The following GLIS3 variants were observed in gnomAD, a reference collection of about 807,000 sequenced individuals.
GLIS3 encodes the protein zinc finger protein GLIS3.
GLIS3 carries 53 observed loss-of-function variants against 78.6 expected under a neutral mutation model. The ratio of observed to expected loss-of-function variants is 0.67; its 90% CI spans 0.54 to 0.85. The LOEUF is 0.85. GLIS3 is among the 40% of genes least tolerant of loss of function. The probability of loss-of-function intolerance (pLI) is 0.00; values close to 1 mark genes in which losing one functional copy is unlikely to be tolerated. For missense variants in GLIS3, 1,703 were observed against 1,231.1 expected (o/e 1.38, Z -5.74); for synonymous variants, 684 against 509.9 (o/e 1.34, Z -4.60).
At chr9:3,868,273 T>C (rs187873459) in intron 8 of GLIS3, among the ~76,000 whole-genome samples, 2 of 152,328 alleles carry the variant, frequency 1.3e-5, no homozygotes, top group Non-Finnish European at 2.9e-5. Context: ...ATATCCAAGT[T>C]TTCTCAGATA....
chr9:4,486,975 G>C, the GLIS3 span, among the ~76,000 whole-genome samples: 4 of 152,268 alleles, frequency 2.6e-5, no homozygotes, highest in African/African-American at 9.6e-5. Context: ...TGGGAATATA[G>C]GTGTGAGTCG....
At chr9:4,384,291 G>C in the GLIS3 span, among the ~76,000 whole-genome samples, 1 of 151,948 alleles carries the variant, frequency 6.6e-6, no homozygotes, top group Non-Finnish European at 1.5e-5. Flanking sequence ...TGGGAAAACG[G>C]AACTACTTTT....
chr9:4,247,075 T>G (rs1176111584), intron 2 of GLIS3, among the ~76,000 whole-genome samples: 1 of 152,216 alleles, frequency 6.6e-6, no homozygotes, highest in Non-Finnish European at 1.5e-5. Flanking sequence ...CATGGATGGC[T>G]TTTGTCAGCC....
intron 6 of GLIS3, among the ~76,000 whole-genome samples, chr9:3,904,050 T>G (rs1588191365): frequency 1.3e-5 from 2 of 152,266 alleles, no homozygotes; most frequent in African/African-American, 4.8e-5. Flanking sequence ...ACCATAAATA[T>G]CCACAGTCTC....
the GLIS3 span, among the ~76,000 whole-genome samples, chr9:4,478,233 G>T: frequency 6.6e-6 from 1 of 152,186 alleles, no homozygotes; most frequent in African/African-American, 2.4e-5. Context: ...TTGAGCGTGG[G>T]AAAGGATCAT....
chr9:4,256,819 A>G (rs7038088), intron 2 of GLIS3, among the ~76,000 whole-genome samples: 123,121 of 151,872 alleles, frequency 0.81, 50,425 homozygotes, highest in East Asian at 0.98. Context: ...GAGAACTACC[A>G]TACGATCCAG....
chr9:4,029,548 C>A (rs996771526), intron 4 of GLIS3, among the ~76,000 whole-genome samples: 2 of 152,100 alleles, frequency 1.3e-5, no homozygotes, highest in Non-Finnish European at 2.9e-5. Context: ...CTTATGCATT[C>A]TTTCTATTTT....
chr9:4,379,465 G>GC, the GLIS3 span, among the ~76,000 whole-genome samples: 4 of 152,234 alleles, frequency 2.6e-5, no homozygotes, highest in Admixed American at 1.3e-4. Flanking sequence ...TTGGAAGATT[G>GC]ACAACATTAG....
chr9:4,270,591 T>A (rs1826411924), intron 2 of GLIS3, among the ~76,000 whole-genome samples: 1 of 152,006 alleles, frequency 6.6e-6, no homozygotes, highest in Non-Finnish European at 1.5e-5. Flanking sequence ...TGGCCAGAGG[T>A]CACACAGGCC....
At chr9:3,871,622 C>T (rs1315687407) in intron 8 of GLIS3, among the ~76,000 whole-genome samples, 3 of 152,220 alleles carry the variant, frequency 2.0e-5, no homozygotes, top group Non-Finnish European at 4.4e-5. Flanking sequence ...ATGGCCAGAG[C>T]TTCAGGCCCC....
chr9:4,071,151 G>A (rs1827568975), intron 4 of GLIS3: 1 of 152,156 alleles, frequency 6.6e-6, no homozygotes, highest in African/African-American at 2.4e-5. Flanking sequence ...ATTTAACTAA[G>A]GAGACAATGC....
At chr9:4,217,661 G>A (rs1431521277) in intron 2 of GLIS3, among the ~76,000 whole-genome samples, 1 of 152,160 alleles carries the variant, frequency 6.6e-6, no homozygotes, top group Non-Finnish European at 1.5e-5. Context: ...AAAAGATAAA[G>A]CCAATGTGGT....
chr9:4,228,343 G>A (rs886691560), intron 2 of GLIS3, among the ~76,000 whole-genome samples: 5 of 152,106 alleles, frequency 3.3e-5, no homozygotes, highest in African/African-American at 4.8e-5. Flanking sequence ...GGGCTGAGCC[G>A]GAGAGGGGCT....
chr9:4,389,996 C>G, the GLIS3 span, among the ~76,000 whole-genome samples: 1 of 152,188 alleles, frequency 6.6e-6, no homozygotes, highest in Non-Finnish European at 1.5e-5. Flanking sequence ...CTCATTCTTT[C>G]TTTCATTCCA....
intron 7 of GLIS3, among the ~76,000 whole-genome samples, chr9:3,887,614 G>T (rs189012789): frequency 3.3e-4 from 50 of 152,292 alleles, no homozygotes; most frequent in African/African-American, 1.2e-3. Context: ...TCATGCAGCT[G>T]GATTTATAGC....
At chr9:4,294,252 T>C (rs1263784563) in intron 1 of GLIS3, among the ~76,000 whole-genome samples, 1 of 152,192 alleles carries the variant, frequency 6.6e-6, no homozygotes, top group Non-Finnish European at 1.5e-5. Context: ...CTCACGCCTG[T>C]AATCCCAGTA....
intron 9 of GLIS3, among the ~76,000 whole-genome samples, chr9:3,836,951 A>C (rs573880506): frequency 6.6e-6 from 1 of 152,332 alleles, no homozygotes; most frequent in African/African-American, 2.4e-5. Flanking sequence ...ACAATCCTGG[A>C]TCTGGAGGAC....
chr9:4,033,913 T>C (rs1824088912), intron 4 of GLIS3, among the ~76,000 whole-genome samples: 1 of 146,098 alleles, frequency 6.8e-6, no homozygotes, highest in Non-Finnish European at 1.5e-5. Flanking sequence ...AGGTCCTATC[T>C]GCATTTCTGG....
intron 4 of GLIS3, among the ~76,000 whole-genome samples, chr9:3,989,639 A>G (rs936978363): frequency 6.6e-6 from 1 of 152,198 alleles, no homozygotes; most frequent in African/African-American, 2.4e-5. Context: ...GAAGTTACAT[A>G]CTGTATGAGT....
Sources: allele counts gnomAD v4.1 joint callset (sites outside exome capture counted in the v4.1 genomes callset), GRCh38; gene constraint gnomAD v4.1.1; transcripts MANE v1.5; gene names NCBI Gene and HGNC (gene_info 2026-07-23, HGNC 2026-07-21).